The following ME1 variants were observed in gnomAD, a reference collection of about 807,000 sequenced individuals.
ME1 encodes the protein malic enzyme 1.
ME1 carries 74 observed loss-of-function variants against 66.4 expected under a neutral mutation model. That is an observed-to-expected ratio of 1.11 (90% CI 0.92 to 1.35). The LOEUF (loss-of-function observed/expected upper bound fraction) is 1.35. Among genes scored for constraint, ME1 ranks in the 40% most tolerant of loss-of-function variants. The probability of loss-of-function intolerance (pLI) is 0.00; values close to 1 mark genes in which losing one functional copy is unlikely to be tolerated. For missense variants in ME1, 750 were observed against 694.1 expected, an observed-to-expected ratio of 1.08 and a Z score of -0.90; for synonymous variants, 251 against 235.6, an observed-to-expected ratio of 1.07 and a Z score of -0.60.
At chr6:83,218,248 C>T (rs1452676995) in intron 12 of ME1, among the ~76,000 whole-genome samples, 1 of 152,100 alleles carries the variant, frequency 6.6e-6, no homozygotes, top group Non-Finnish European at 1.5e-5. Flanking sequence ...CACAGCCACC[C>T]CCTTCCAGAA....
intron 1 of ME1, among the ~76,000 whole-genome samples, chr6:83,421,407 G>A (rs1770264210): frequency 6.6e-6 from 1 of 152,164 alleles, no homozygotes; most frequent in Non-Finnish European, 1.5e-5. Flanking sequence ...CTGGTTCTGT[G>A]CAAAGTGGTA....
chr6:83,418,300 A>G (rs1770199856), intron 1 of ME1, among the ~76,000 whole-genome samples: 1 of 152,198 alleles, frequency 6.6e-6, no homozygotes, highest in Non-Finnish European at 1.5e-5. Context: ...AGCAAGCTAG[A>G]GACCCAAGAG....
At chr6:83,232,557 A>T (rs943097704) in intron 9 of ME1, among the ~76,000 whole-genome samples, 33 of 152,174 alleles carry the variant, frequency 2.2e-4, no homozygotes, top group Admixed American at 2.2e-3. Flanking sequence ...ACCTACATGC[A>T]TTGATCATAC....
chr6:83,403,966 C>A (rs112887546), intron 2 of ME1, among the ~76,000 whole-genome samples: 21,501 of 152,068 alleles, frequency 0.14, 1,996 homozygotes, highest in Middle Eastern at 0.31. Flanking sequence ...AGTAAACATA[C>A]GTGTGCATGT....
At chr6:83,430,176 C>A (rs1375321554) in intron 1 of ME1, among the ~76,000 whole-genome samples, 2 of 149,908 alleles carry the variant, frequency 1.3e-5, no homozygotes, top group African/African-American at 5.0e-5. Flanking sequence ...TCCAGAAAGC[C>A]AAATTAAAAA....
At chr6:83,410,985 A>G (rs922982056) in intron 1 of ME1, among the ~76,000 whole-genome samples, 1 of 152,206 alleles carries the variant, frequency 6.6e-6, no homozygotes. Flanking sequence ...AAAACACACT[A>G]AAGTGCCAAT....
chr6:83,254,295 G>A (rs1360500267), intron 6 of ME1, among the ~76,000 whole-genome samples: 1 of 152,166 alleles, frequency 6.6e-6, no homozygotes, highest in Admixed American at 6.5e-5. Context: ...TGTAGTGAAA[G>A]ATACGGCCAG....
chr6:83,306,602 G>T (rs891297697), intron 6 of ME1, among the ~76,000 whole-genome samples: 1 of 151,994 alleles, frequency 6.6e-6, no homozygotes, highest in Non-Finnish European at 1.5e-5. Context: ...TTTACTATAG[G>T]CAGAGACTCT....
At chr6:83,259,960 T>C (rs1320237668) in intron 6 of ME1, among the ~76,000 whole-genome samples, 1 of 152,176 alleles carries the variant, frequency 6.6e-6, no homozygotes, top group Non-Finnish European at 1.5e-5. Flanking sequence ...CACAAATTAC[T>C]TCTAAATTTA....
chr6:83,321,429 C>G (rs966554418), intron 5 of ME1, among the ~76,000 whole-genome samples: 6 of 152,270 alleles, frequency 3.9e-5, no homozygotes, highest in African/African-American at 1.4e-4. Flanking sequence ...GCTGCCAGCA[C>G]AGCAGTCAGA....
intron 5 of ME1, among the ~76,000 whole-genome samples, chr6:83,342,372 A>C (rs1355211168): frequency 6.6e-6 from 1 of 152,180 alleles, no homozygotes; most frequent in Non-Finnish European, 1.5e-5. Context: ...AATAACTGTC[A>C]GAGAATTGGT....
At chr6:83,419,079 T>C (rs966590892) in intron 1 of ME1, among the ~76,000 whole-genome samples, 2 of 152,206 alleles carry the variant, frequency 1.3e-5, no homozygotes, top group Non-Finnish European at 2.9e-5. Context: ...GGTACGAACC[T>C]GAGTGGGCAA....
At chr6:83,284,125 G>C (rs976610272) in intron 6 of ME1, among the ~76,000 whole-genome samples, 1 of 152,086 alleles carries the variant, frequency 6.6e-6, no homozygotes, top group African/African-American at 2.4e-5. Context: ...ACATGAACTA[G>C]AAAATCTAGA....
chr6:83,378,377 A>C (rs1228319248), intron 3 of ME1, among the ~76,000 whole-genome samples: 1 of 152,194 alleles, frequency 6.6e-6, no homozygotes, highest in Non-Finnish European at 1.5e-5. Context: ...ATGGGTCTTT[A>C]TATAAAGCAC....
rs925964366 is a variant in ME1, at chr6:83,372,365, C to T, written c.363-20226G>A. Reference sequence around the variant, plus strand: ...ACTGGGGTATGGTTTGAGAGACTTTCCTAGGACAACAAAAGCATCAACAGT... The same window carrying T: ...ACTGGGGTATGGTTTGAGAGACTTTTCTAGGACAACAAAAGCATCAACAGT... On this transcript the variant is annotated intron_variant, in intron 3 of 13. Transcript: ENST00000369705. Among the ~76,000 whole-genome samples the T allele has an allele frequency of 2.6e-5, 4 of 152,114 alleles. No homozygotes were observed. The East Asian group carries it at 7.7e-4, about 29-fold the overall frequency.
chr6:83,334,297 C>A (rs1366167515), intron 5 of ME1, among the ~76,000 whole-genome samples: 14 of 129,716 alleles, frequency 1.1e-4, no homozygotes, highest in African/African-American at 4.1e-4. Flanking sequence ...ATATCCCACA[C>A]CTGGCTCAGA....
intron 9 of ME1, among the ~76,000 whole-genome samples, chr6:83,234,566 T>C (rs550141387): frequency 2.6e-5 from 4 of 152,184 alleles, no homozygotes; most frequent in Non-Finnish European, 4.4e-5. Flanking sequence ...CTTCCATATT[T>C]CATCAGTTAC....
rs147212432 is a variant in ME1 at position 83,235,166 on chromosome 6, C to T, written c.1026+2551G>A. On this transcript the variant is annotated intron_variant, in intron 9 of 13. Transcript: ENST00000369705. ...AGACACGTTGTCTTGATATCTTCCT[C>T]AGTACTCCCATCTTTTTCCTTAGTG... Among the ~76,000 whole-genome samples the T allele has an allele frequency of 1.2e-3, 190 of 152,300 alleles. 1 individual carries two copies. The highest frequency in any genetic ancestry group is 4.5e-3 in the African/African-American group (187 of 41,554).
At chr6:83,252,463 C>A (rs980159191) in intron 7 of ME1, among the ~76,000 whole-genome samples, 1 of 152,106 alleles carries the variant, frequency 6.6e-6, no homozygotes, top group African/African-American at 2.4e-5. Context: ...TCATGCCAGG[C>A]TAATTTTTGT....
Sources: allele counts gnomAD v4.1 joint callset (sites outside exome capture counted in the v4.1 genomes callset), GRCh38; gene constraint gnomAD v4.1.1; transcripts MANE v1.5; gene names NCBI Gene and HGNC (gene_info 2026-07-23, HGNC 2026-07-21).